Variants in ANKRD44 observed in about 807,000 individuals in gnomAD.
ANKRD44 encodes ankyrin repeat domain 44.
In ANKRD44, 35 loss-of-function variants were observed where a neutral mutation model predicts 116.0. The ratio of observed to expected loss-of-function variants is 0.30; its 90% CI spans 0.23 to 0.40. The LOEUF is 0.40. Ranked by LOEUF, ANKRD44 falls within the 10% of genes least tolerant of loss-of-function variation. The probability of loss-of-function intolerance (pLI) is 1.00; values close to 1 mark genes in which losing one functional copy is unlikely to be tolerated. For missense variants in ANKRD44, 1,014 were observed against 1,242.6 expected (o/e 0.82, Z 2.77); for synonymous variants, 435 against 461.8 (o/e 0.94, Z 0.74).
chr2:197,095,623 T>G lies in ANKRD44; in HGVS notation c.1100+4193A>C, dbSNP rs182997806. Among the ~76,000 whole-genome samples, 211 of 152,368 alleles carry G rather than the reference T, an allele frequency of 1.4e-3. 1 individual carries two copies. The highest frequency in any genetic ancestry group is 5.0e-3 in the African/African-American group (209 of 41,590). ...TGCTATGTAGAGGCAGCAAGCCACTTGCTCAGGAGCTGAGGGTCCAGATCC... is the reference window on the plus strand; with the variant it reads ...TGCTATGTAGAGGCAGCAAGCCACTGGCTCAGGAGCTGAGGGTCCAGATCC... On this transcript the variant is annotated intron_variant, in intron 10 of 27. Transcript: ENST00000282272.
chr2:197,114,743 G>C (rs2078668604), intron 8 of ANKRD44, among the ~76,000 whole-genome samples: 2 of 152,080 alleles, frequency 1.3e-5, no homozygotes, highest in African/African-American at 2.4e-5. Flanking sequence ...AAGCTCTATG[G>C]GATAACATTA....
intron 9 of ANKRD44, among the ~76,000 whole-genome samples, chr2:197,109,388 A>G (rs1179826820): frequency 6.6e-6 from 1 of 152,246 alleles, no homozygotes; most frequent in Admixed American, 6.5e-5. Context: ...TGGGTATTGC[A>G]CGGTTAATTT....
At chr2:197,008,168 T>C (rs756857493) in intron 19 of ANKRD44, among the ~76,000 whole-genome samples, 6 of 152,184 alleles carry the variant, frequency 3.9e-5, no homozygotes, top group Non-Finnish European at 8.8e-5. Flanking sequence ...GAAGCTTCCT[T>C]TTCAAAATAT....
At chr2:197,019,413 T>G (rs1312352165) in intron 17 of ANKRD44, among the ~76,000 whole-genome samples, 2 of 152,258 alleles carry the variant, frequency 1.3e-5, no homozygotes, top group African/African-American at 4.8e-5. Context: ...GAGCACTTGC[T>G]GTATGTCAGG....
intron 17 of ANKRD44, among the ~76,000 whole-genome samples, chr2:197,018,253 C>A (rs113049927): frequency 0.083 from 12,608 of 152,166 alleles, 686 homozygotes; most frequent in African/African-American, 0.15. Flanking sequence ...GACGTCTTCC[C>A]TCACTGATAC....
intron 1 of ANKRD44, among the ~76,000 whole-genome samples, chr2:197,247,993 C>T (rs2082229392): frequency 6.6e-6 from 1 of 152,096 alleles, no homozygotes; most frequent in African/African-American, 2.4e-5. Flanking sequence ...ACACGGCCTC[C>T]CTCCTCATCA....
intron 1 of ANKRD44, among the ~76,000 whole-genome samples, chr2:197,190,353 G>A (rs1204568681): frequency 6.6e-6 from 1 of 152,118 alleles, no homozygotes; most frequent in Non-Finnish European, 1.5e-5. Context: ...CTGAGACATC[G>A]CCTTCACAAT....
chr2:197,125,956 C>T lies in ANKRD44; in HGVS notation c.343G>A (p.Ala115Thr). 6.2e-7 allele frequency: 1 copy of T among 1,614,260 alleles called. No homozygotes were observed. The highest frequency in any genetic ancestry group is 8.5e-7 in the Non-Finnish European group (1 of 1,180,048). ...GCACATTTGACAGCCTTGTTGGCTG[C>T]TGCCACATGAAGAGGGGTCTGCCAG... ...KNWQTPLHVA[A>T]ANKAVKCAEV... The change falls in exon 5 of 28, where the codon GCA becomes ACA. Residue 115 changes from alanine to threonine, a missense_variant. Ala to Thr is a moderately conservative substitution (Grantham distance 58, BLOSUM62 0). Transcript: ENST00000282272.
At chr2:197,248,593 A>ATATATATATATATATATATATATATATAG (rs2082248209) in intron 1 of ANKRD44, among the ~76,000 whole-genome samples, 2 of 105,738 alleles carry the variant, frequency 1.9e-5, no homozygotes, top group African/African-American at 6.8e-5. Flanking sequence ...TATATATATA[A>ATATATATATATATATATATATATATATAG]AGAGAGAGAT....
chr2:197,040,042 T>C (rs901660776), intron 16 of ANKRD44, among the ~76,000 whole-genome samples: 4 of 151,812 alleles, frequency 2.6e-5, no homozygotes, highest in African/African-American at 9.7e-5. Flanking sequence ...GCCTGGCCAA[T>C]ATGGTGAAAC....
At chr2:197,145,031 C>A (rs2079461678) in intron 3 of ANKRD44, among the ~76,000 whole-genome samples, 1 of 152,186 alleles carries the variant, frequency 6.6e-6, no homozygotes, top group African/African-American at 2.4e-5. Context: ...GTGGCTCACA[C>A]CTGTAATCCC....
intron 1 of ANKRD44, among the ~76,000 whole-genome samples, chr2:197,225,856 C>T (rs1195013687): frequency 2.0e-5 from 3 of 152,216 alleles, no homozygotes; most frequent in Non-Finnish European, 2.9e-5. Flanking sequence ...GCAAGCCAAA[C>T]GTTCTCTTCT....
chr2:197,076,887 T>A (rs546993078), intron 16 of ANKRD44, among the ~76,000 whole-genome samples: 44 of 152,352 alleles, frequency 2.9e-4, no homozygotes, highest in African/African-American at 1.0e-3. Context: ...TACCATACTG[T>A]CTTTATCCAG....
intron 1 of ANKRD44, among the ~76,000 whole-genome samples, chr2:197,261,167 A>G (rs2082593034): frequency 6.6e-6 from 1 of 151,172 alleles, no homozygotes; most frequent in South Asian, 2.1e-4. Flanking sequence ...CTATGTCCTG[A>G]ATGGTATTGC....
downstream of ANKRD44, among the ~76,000 whole-genome samples, chr2:196,984,005 G>A (rs1426524072): frequency 6.6e-6 from 1 of 152,230 alleles, no homozygotes; most frequent in Non-Finnish European, 1.5e-5. Context: ...CAGGGCACAT[G>A]TGCTCAGCAT....
At chr2:197,046,274 G>C (rs2076999496) in intron 16 of ANKRD44, among the ~76,000 whole-genome samples, 1 of 152,134 alleles carries the variant, frequency 6.6e-6, no homozygotes, top group Non-Finnish European at 1.5e-5. Context: ...TATTCACGAT[G>C]ATTTCCTGAT....
At chr2:197,091,819 G>T (rs2078049227) in intron 10 of ANKRD44, among the ~76,000 whole-genome samples, 1 of 152,126 alleles carries the variant, frequency 6.6e-6, no homozygotes, top group Non-Finnish European at 1.5e-5. Flanking sequence ...CTTCCTAATA[G>T]ATTTTTACAT....
intron 1 of ANKRD44, among the ~76,000 whole-genome samples, chr2:197,280,998 TTA>T (rs2083247991): frequency 6.6e-6 from 1 of 152,234 alleles, no homozygotes; most frequent in Non-Finnish European, 1.5e-5. Context: ...AGAATGTTCT[TTA>T]TATTAAAATC....
intron 24 of ANKRD44, 92 bp downstream of exon 24, chr2:196,998,815 G>A (rs1388552643): frequency 1.3e-6 from 2 of 1,544,040 alleles, no homozygotes; most frequent in African/African-American, 2.7e-5. Context: ...TTTTCCACGT[G>A]TATATACTAT....
Sources: allele counts gnomAD v4.1 joint callset (sites outside exome capture counted in the v4.1 genomes callset), GRCh38; gene constraint gnomAD v4.1.1; transcripts MANE v1.5; gene names NCBI Gene and HGNC (gene_info 2026-07-23, HGNC 2026-07-21).